NELFCD: variants seen among roughly 807,000 people sequenced by gnomAD.
NELFCD encodes the protein negative elongation factor complex member C/D, also known as negative elongation factor C/D.
In NELFCD, 48 loss-of-function variants were observed where a neutral mutation model predicts 72.9. The ratio of observed to expected loss-of-function variants is 0.66; its 90% confidence interval spans 0.52 to 0.84. The LOEUF is 0.84. Ranked by LOEUF, NELFCD falls within the 40% of genes least tolerant of loss-of-function variation. The pLI, the probability that NELFCD is intolerant of heterozygous loss-of-function variation, is 0.00. For missense variants in NELFCD, 538 were observed against 723.8 expected (o/e 0.74, Z 2.94); for synonymous variants, 297 against 280.6 (o/e 1.06, Z -0.59).
At chr20:58,989,808 T>A (rs760183408) in intron 6 of NELFCD, 50 bp from the exon 7 acceptor site, 56 of 1,612,888 alleles carry the variant, frequency 3.5e-5, no homozygotes, top group Middle Eastern at 1.6e-4. Flanking sequence ...CGTCCGCCCG[T>A]CTGTGCTACA....
intron 10 of NELFCD, among the ~76,000 whole-genome samples, chr20:58,992,221 T>C (rs2091822737): frequency 6.6e-6 from 1 of 152,214 alleles, no homozygotes; most frequent in African/African-American, 2.4e-5. Flanking sequence ...GCCAGAAGTC[T>C]GTTGAGTACA....
At chr20:58,983,921 A>C (rs998649379) in intron 1 of NELFCD, among the ~76,000 whole-genome samples, 2 of 152,062 alleles carry the variant, frequency 1.3e-5, no homozygotes, top group Non-Finnish European at 2.9e-5. Flanking sequence ...TGGCCCACTG[A>C]CACCAGTGGG....
intron 1 of NELFCD, among the ~76,000 whole-genome samples, chr20:58,981,857 A>G (rs2091735930): frequency 1.3e-5 from 2 of 152,184 alleles, no homozygotes; most frequent in Admixed American, 6.5e-5. Flanking sequence ...TATAAACTGT[A>G]CTCTTCAGCA....
rs1009030548 is a variant in NELFCD, at chr20:58,990,125, G to A, written c.788+137G>A. The A allele has an allele frequency of 1.5e-5, 18 of 1,182,688 alleles. No individual in the cohort carries two copies. The Admixed American group carries it at 3.5e-4, about 23-fold the overall frequency. 73.3% of individuals were successfully genotyped at this position (1,182,688 alleles called of 1,614,324 possible). A position where few individuals can be genotyped will look rare whatever the true frequency, so the allele number is the denominator to read the frequency against. On this transcript the variant is annotated intron_variant, in intron 7 of 14. Transcript: ENST00000652272. ...GGTAAACTTGCTTTTGGCTGGGCGT[G>A]GTGGCTCACGCCTGTAATCCCAGCA...
chr20:58,981,287 CG>C lies in NELFCD; in HGVS notation c.-18del. On this transcript the variant is annotated 5_prime_UTR_variant, in exon 1 of 15. Transcript: ENST00000652272. ...CGCGCTCGCTCGCGGGAGGGCATGG[CG>C]GGGGCCGTGCCGGGCGCCATCATGG... is the stretch of plus-strand genomic sequence containing the variant. The C allele has an allele frequency of 5.6e-6, 6 of 1,067,874 alleles. No homozygotes were observed. The South Asian group carries it at 1.2e-4, about 21-fold the overall frequency. 66.1% of individuals were successfully genotyped at this position (1,067,874 alleles called of 1,614,324 possible). A position where few individuals can be genotyped will look rare whatever the true frequency, so the allele number is the denominator to read the frequency against.
Position 58,986,159 on chromosome 20 carries a change from T to G in NELFCD, c.127T>G (p.Ser43Ala), listed in dbSNP as rs199938188. ...TCAGCAAGAATGCCTGCATAAATTT[T>G]CCACCCGGGATTATATCATGGAACC... Reference protein sequence around the residue: ...EVQQECLHKFSTRDYIMEPSI... With the variant: ...EVQQECLHKFATRDYIMEPSI... The change falls in exon 2 of 15, where the codon TCC (serine) becomes GCC (alanine). Residue 43 changes from serine to alanine, a missense_variant. This residue lies in a region of NELFCD where 355 missense variants were observed against 534.5 expected (regional missense o/e 0.66). Coordinates refer to ENST00000652272, the MANE Select transcript of NELFCD (RefSeq NM_198976.4). The surrounding 1 kb of genome is among the most constrained non-coding windows in gnomAD (Gnocchi z 4.4). The G allele has an allele frequency of 3.5e-5, 57 of 1,614,044 alleles. No individual in the cohort carries two copies. The East Asian group carries it at 1.2e-3, about 35-fold the overall frequency.
Position 58,986,051 on chromosome 20 carries a change from A to G in NELFCD, c.61-42A>G, listed in dbSNP as rs2091769226. ...TTTAAGGTGAGATTAGGGTATTTGT[A>G]TTAATGAAAAAAATATCCTGGCTCT... On this transcript the variant is annotated intron_variant, in intron 1 of 14. Coordinates refer to ENST00000652272, the MANE Select transcript of NELFCD (RefSeq NM_198976.4). This position sits in a 1 kb window ranked among gnomAD's most constrained non-coding sequence, Gnocchi z 4.4. 8.4e-6 allele frequency: 11 copies of G among 1,312,472 alleles called. No individual in the cohort carries two copies. In the East Asian group the frequency reaches 2.5e-4, roughly 30 times the overall value. The allele number at this position is 1,312,472 out of a possible 1,614,324, so 81.3% of individuals were successfully genotyped here. A position where few individuals can be genotyped will look rare whatever the true frequency, so the allele number is the denominator to read the frequency against.
At chr20:58,987,874 C>G in intron 4 of NELFCD, 57 bp downstream of exon 4, 1 of 1,321,996 alleles carries the variant, frequency 7.6e-7, no homozygotes, top group Non-Finnish European at 1.1e-6. Context: ...TGCAAATTCC[C>G]TGTGTACAGT....
chr20:58,988,873 G>A (rs753578539), intron 4 of NELFCD, 41 bp from the exon 5 acceptor site: 1 of 1,405,304 alleles, frequency 7.1e-7, no homozygotes. Context: ...AAGTAAAAGT[G>A]GGGCCTCCTC....
At position 58,986,072 on chromosome 20, in the gene NELFCD, G is replaced by T; in HGVS notation, c.61-21G>T. On this transcript the variant is annotated intron_variant, in intron 1 of 14. Coordinates refer to ENST00000652272, the MANE Select transcript of NELFCD (RefSeq NM_198976.4). This position sits in a 1 kb window ranked among gnomAD's most constrained non-coding sequence, Gnocchi z 4.4. Reference sequence around the variant, plus strand: ...TTGTATTAATGAAAAAAATATCCTGGCTCTTCGCATTTACCAACAGCAGGA... The same window carrying T: ...TTGTATTAATGAAAAAAATATCCTGTCTCTTCGCATTTACCAACAGCAGGA... The T allele has an allele frequency of 1.3e-6, 2 of 1,525,736 alleles. No homozygotes were observed. Among genetic ancestry groups the T allele is most frequent in the Non-Finnish European group, 1.8e-6 (2 of 1,099,320 alleles). 94.5% of individuals were successfully genotyped at this position (1,525,736 alleles called of 1,614,324 possible). A position where few individuals can be genotyped will look rare whatever the true frequency, so the allele number is the denominator to read the frequency against.
chr20:58,989,388 G>A (rs960837972), intron 5 of NELFCD, 100 bp from the exon 6 acceptor site: 31 of 1,400,246 alleles, frequency 2.2e-5, no homozygotes, highest in Middle Eastern at 4.4e-4. Context: ...CACGACCAGC[G>A]CACACTTACT....
intron 3 of NELFCD, 149 bp downstream of exon 3, chr20:58,987,012 T>TTATCTTTATCTTACTCATTTG: frequency 1.7e-6 from 1 of 572,252 alleles, no homozygotes; most frequent in Non-Finnish European, 3.1e-6. Context: ...TTACTCATTT[T>TTATCTTTATCTTACTCATTTG]TATCTTTATC....
Position 58,986,161 on chromosome 20 carries a change from C to A in NELFCD, c.129C>A (p.Ser43=). Reference sequence around the variant, plus strand: ...AGCAAGAATGCCTGCATAAATTTTCCACCCGGGATTATATCATGGAACCCT... The same window carrying A: ...AGCAAGAATGCCTGCATAAATTTTCAACCCGGGATTATATCATGGAACCCT... The part of the protein sequence containing the change: ...EVQQECLHKF[S]TRDYIMEPSI... The change falls in exon 2 of 15, where the codon TCC becomes TCA. Residue 43 remains serine (S), a synonymous_variant. Coordinates refer to ENST00000652272, the MANE Select transcript of NELFCD (RefSeq NM_198976.4). The surrounding 1 kb of genome is among the most constrained non-coding windows in gnomAD (Gnocchi z 4.4). 1 of 1,613,938 alleles carries A rather than the reference C, an allele frequency of 6.2e-7. No homozygotes were observed. Among genetic ancestry groups the A allele is most frequent in the South Asian group, 1.1e-5 (1 of 91,070 alleles).
Position 58,991,429 on chromosome 20 carries a change from G to A in NELFCD, c.1072G>A (p.Val358Ile). The change falls in exon 9 of 15, where the codon GTT (valine) becomes ATT (isoleucine). Residue 358 changes from valine to isoleucine, a missense_variant. Val to Ile is a conservative substitution (Grantham distance 29). Coordinates refer to ENST00000652272, the MANE Select transcript of NELFCD (RefSeq NM_198976.4). ...CATCTTGGCGTACGCAGCAAGCGTG[G>A]TTGAGACCTGGAAGAAGGTACCATC... ...IHILAYAASV[V>I]ETWKKNKRVS... 6.2e-7 allele frequency: 1 copy of A among 1,614,250 alleles called. No individual in the cohort carries two copies. Among genetic ancestry groups the A allele is most frequent in the South Asian group, 1.1e-5 (1 of 91,090 alleles).
intron 5 of NELFCD, 89 bp downstream of exon 5, chr20:58,989,110 CT>C: frequency 1.4e-5 from 14 of 969,652 alleles, no homozygotes; most frequent in African/African-American, 1.6e-5. Flanking sequence ...TTCATATTTG[CT>C]TTTTTTCCAT....
At chr20:58,991,120 CTT>C in intron 8 of NELFCD, 45 bp downstream of exon 8, 1 of 1,600,830 alleles carries the variant, frequency 6.2e-7, no homozygotes, top group Non-Finnish European at 8.5e-7. Context: ...GGTAAGGTGA[CTT>C]TGGAAAGTCT....
intron 7 of NELFCD, chr20:58,990,197 G>A (rs1052463480): frequency 1.8e-6 from 1 of 561,068 alleles, no homozygotes; most frequent in South Asian, 2.4e-5. Flanking sequence ...AGGAGTTTGA[G>A]ACCAGCTTGA....
Position 58,986,695 on chromosome 20 carries a change from C to T in NELFCD, c.177-59C>T, listed in dbSNP as rs1382802093. On this transcript the variant is annotated intron_variant, in intron 2 of 14. Transcript: ENST00000652272. This position sits in a 1 kb window ranked among gnomAD's most constrained non-coding sequence, Gnocchi z 4.4. Reference sequence around the variant, plus strand: ...CCTGATTCTCTTCCTCCTTCCTTACCTTCCTGTTGTCCATCATTCCATTCA... The same window carrying T: ...CCTGATTCTCTTCCTCCTTCCTTACTTTCCTGTTGTCCATCATTCCATTCA... The T allele has an allele frequency of 1.7e-5, 20 of 1,168,472 alleles. No individual in the cohort carries two copies. The highest frequency in any genetic ancestry group is 2.3e-5 in the Non-Finnish European group (18 of 773,798). 72.4% of individuals were successfully genotyped at this position (1,168,472 alleles called of 1,614,324 possible).
intron 6 of NELFCD, 65 bp from the exon 7 acceptor site, chr20:58,989,793 G>C: frequency 6.2e-7 from 1 of 1,611,590 alleles, no homozygotes; most frequent in Non-Finnish European, 8.5e-7. Context: ...TGGAGGCTTG[G>C]CTCTCGTCCG....
Sources: allele counts gnomAD v4.1 joint callset (sites outside exome capture counted in the v4.1 genomes callset), GRCh38; gene constraint gnomAD v4.1.1; regional missense constraint gnomAD v4.1.1; non-coding constraint Gnocchi (gnomAD v3.1); transcripts MANE v1.5; gene names NCBI Gene and HGNC (gene_info 2026-07-23, HGNC 2026-07-21).